The following SHTN1 variants were observed in gnomAD, a reference collection of about 807,000 sequenced individuals.
SHTN1 encodes shootin 1, also known as shootin-1.
A neutral mutation model predicts 83.1 loss-of-function variants in SHTN1; 42 were observed. The observed-to-expected ratio is 0.51, with a 90% confidence interval of 0.39 to 0.65. The LOEUF is 0.65. Ranked by LOEUF, SHTN1 falls within the 30% of genes least tolerant of loss-of-function variation. SHTN1 has a pLI of 0.00. For synonymous variants in SHTN1, 224 were observed against 247.7 expected, an observed-to-expected ratio of 0.90 and a Z score of 0.90; for missense variants, 622 against 737.8, an observed-to-expected ratio of 0.84 and a Z score of 1.82.
At chr10:116,909,761 G>C (rs550377623) in intron 14 of SHTN1, among the ~76,000 whole-genome samples, 10 of 152,244 alleles carry the variant, frequency 6.6e-5, no homozygotes, top group Non-Finnish European at 1.3e-4. Flanking sequence ...GGCTAACTTA[G>C]CAGAAGGCCA....
intron 2 of SHTN1, among the ~76,000 whole-genome samples, chr10:116,978,442 G>T: frequency 6.6e-6 from 1 of 151,844 alleles, no homozygotes. Flanking sequence ...GAAATATTTA[G>T]CCTACCCAAC....
chr10:117,018,332 A>C (rs1003027212), intron 2 of SHTN1, among the ~76,000 whole-genome samples: 1 of 152,120 alleles, frequency 6.6e-6, no homozygotes, highest in Non-Finnish European at 1.5e-5. Context: ...GCTACACATC[A>C]ACTGGCATCT....
intron 1 of SHTN1, among the ~76,000 whole-genome samples, chr10:116,983,679 GATAGATAAATACATAC>G (rs1203815094): frequency 2.0e-3 from 36 of 18,020 alleles, no homozygotes; most frequent in Non-Finnish European, 7.5e-3. Context: ...TAGATAGATA[GATAGATAAATACATAC>G]ATACATACAT....
At chr10:116,991,959 T>C (rs180751846) in intron 1 of SHTN1, among the ~76,000 whole-genome samples, 15 of 152,152 alleles carry the variant, frequency 9.9e-5, no homozygotes, top group Admixed American at 3.3e-4. Flanking sequence ...CTGAGCAGCA[T>C]GGTGAAACCC....
At chr10:116,901,178 A>T in intron 16 of SHTN1, 3 of 985,428 alleles carry the variant, frequency 3.0e-6, no homozygotes, top group Non-Finnish European at 3.6e-6. Flanking sequence ...TGCCATTGTT[A>T]TAAAACAAAT....
At chr10:116,995,979 G>A (rs1851614359) in intron 1 of SHTN1, among the ~76,000 whole-genome samples, 1 of 152,122 alleles carries the variant, frequency 6.6e-6, no homozygotes, top group African/African-American at 2.4e-5. Context: ...AGGCATTTTT[G>A]TAAGCCTAAT....
intron 1 of SHTN1, among the ~76,000 whole-genome samples, chr10:117,078,861 C>T (rs1363792871): frequency 6.6e-6 from 1 of 151,992 alleles, no homozygotes; most frequent in Non-Finnish European, 1.5e-5. Context: ...AGGAATTGGT[C>T]CATTTCATCT....
At chr10:116,974,829 C>T (rs1256223913) in intron 2 of SHTN1, among the ~76,000 whole-genome samples, 1 of 151,412 alleles carries the variant, frequency 6.6e-6, no homozygotes, top group Non-Finnish European at 1.5e-5. Flanking sequence ...ACGCTTTCCC[C>T]CCATATAGGA....
Position 117,103,584 on chromosome 10 carries a change from C to G in SHTN1, c.-189+22723G>C, listed in dbSNP as rs1853630981. Among the ~76,000 whole-genome samples the G allele has an allele frequency of 4.5e-5, 5 of 111,646 alleles. No individual in the cohort carries two copies. In the Admixed American group the frequency reaches 7.0e-4, roughly 16 times the overall value. 73.2% of individuals were successfully genotyped at this position (111,646 alleles called of 152,430 possible). On this transcript the variant is annotated intron_variant, in intron 1 of 17. Transcript: ENST00000392901. ...ACGGAGTCTCGCTCTGTTGCCCAGG[C>G]TGGAGTACAGTGGCACAATCTCAGC...
intron 12 of SHTN1, among the ~76,000 whole-genome samples, chr10:116,916,087 A>G (rs1428100774): frequency 2.0e-5 from 3 of 152,246 alleles, no homozygotes; most frequent in South Asian, 4.1e-4. Flanking sequence ...TGTCAGTGTT[A>G]AAAGAAAATA....
chr10:116,901,117 A>G, intron 16 of SHTN1: 1 of 985,404 alleles, frequency 1.0e-6, no homozygotes. Context: ...ACTAGCTGAC[A>G]TCCTGGCAAG....
At chr10:117,038,507 T>C (rs61873018) in intron 2 of SHTN1, among the ~76,000 whole-genome samples, 1 of 77,798 alleles carries the variant, frequency 1.3e-5, no homozygotes, top group Non-Finnish European at 4.5e-5. Flanking sequence ...CTGGACTGCA[T>C]TAAAAAAAAA....
chr10:116,886,148 C>A lies in SHTN1; in HGVS notation c.*196G>T, dbSNP rs1847155889. 8.1e-6 allele frequency: 6 copies of A among 737,584 alleles called. No homozygotes were observed. The highest frequency in any genetic ancestry group is 2.3e-5 in the South Asian group (1 of 44,324). The allele number at this position is 737,584 out of a possible 1,614,324, so 45.7% of individuals were successfully genotyped here. A position where few individuals can be genotyped will look rare whatever the true frequency, so the allele number is the denominator to read the frequency against. Reference sequence around the variant, plus strand: ...TTTATAAAGATCAAAAAACCAAAACCTACTAGGAATGTGTGTTTTGCTAAA... The same window carrying A: ...TTTATAAAGATCAAAAAACCAAAACATACTAGGAATGTGTGTTTTGCTAAA... On this transcript the variant is annotated 3_prime_UTR_variant, in exon 17 of 17. Coordinates refer to ENST00000355371, the MANE Select transcript of SHTN1 (RefSeq NM_001127211.3).
At chr10:117,046,438 G>C (rs370909349) in intron 2 of SHTN1, among the ~76,000 whole-genome samples, 31 of 152,148 alleles carry the variant, frequency 2.0e-4, no homozygotes, top group African/African-American at 7.0e-4. Context: ...ATATTAAATA[G>C]TGTAACCATT....
At chr10:116,953,623 GT>G (rs759706275) in intron 5 of SHTN1, among the ~76,000 whole-genome samples, 75 of 92,720 alleles carry the variant, frequency 8.1e-4, no homozygotes, top group East Asian at 5.8e-3. Flanking sequence ...TTTGTGTTTT[GT>G]TTTTTTTTTT....
chr10:116,884,806 C>A lies in SHTN1; in HGVS notation c.*1538G>T, dbSNP rs952292042. ...ACCACAACTGACCCTTAATGGGAAACTATTGGTGCCTTTTTAATAAGTTGT... is the reference window on the plus strand; with the variant it reads ...ACCACAACTGACCCTTAATGGGAAAATATTGGTGCCTTTTTAATAAGTTGT... On this transcript the variant is annotated 3_prime_UTR_variant, in exon 17 of 17. Coordinates refer to ENST00000355371, the MANE Select transcript of SHTN1 (RefSeq NM_001127211.3). 1 of 155,852 alleles carries A rather than the reference C, an allele frequency of 6.4e-6. No individual in the cohort carries two copies. Among genetic ancestry groups the A allele is most frequent in the Admixed American group, 6.1e-5 (1 of 16,292 alleles). The allele number at this position is 155,852 out of a possible 1,614,324, so 9.7% of individuals were successfully genotyped here. A position where few individuals can be genotyped will look rare whatever the true frequency, so the allele number is the denominator to read the frequency against.
At chr10:116,927,114 T>C (rs4354623) in intron 11 of SHTN1, among the ~76,000 whole-genome samples, 8,809 of 152,278 alleles carry the variant, frequency 0.058, 831 homozygotes, top group African/African-American at 0.19. Flanking sequence ...TACTAGTTTA[T>C]AACAATTAGC....
At chr10:116,901,736 A>G in intron 16 of SHTN1, 29 bp downstream of exon 16, 1 of 1,541,734 alleles carries the variant, frequency 6.5e-7, no homozygotes, top group Non-Finnish European at 8.7e-7. Flanking sequence ...TCTTCTATAC[A>G]CCACTTAGTA....
intron 11 of SHTN1, among the ~76,000 whole-genome samples, chr10:116,922,008 A>C (rs1848586100): frequency 6.6e-6 from 1 of 152,238 alleles, no homozygotes; most frequent in African/African-American, 2.4e-5. Flanking sequence ...TCTCTGGTCC[A>C]TTTAAAAACA....
Sources: allele counts gnomAD v4.1 joint callset (sites outside exome capture counted in the v4.1 genomes callset), GRCh38; gene constraint gnomAD v4.1.1; transcripts MANE v1.5; gene names NCBI Gene and HGNC (gene_info 2026-07-23, HGNC 2026-07-21).